PCDHGA4: variants seen among roughly 807,000 people sequenced by gnomAD.
PCDHGA4 encodes protocadherin gamma-A4.
PCDHGA4 carries 38 observed loss-of-function variants against 54.6 expected under a neutral mutation model. The observed-to-expected ratio is 0.70, with a 90% CI of 0.54 to 0.91. The LOEUF is 0.91. PCDHGA4 is among the 40% of genes least tolerant of loss of function. The pLI, the probability that PCDHGA4 is intolerant of heterozygous loss-of-function variation, is 0.00. For missense variants in PCDHGA4, 1,298 were observed against 1,220.9 expected (o/e 1.06, Z -0.94); for synonymous variants, 511 against 512.9 (o/e 1.00, Z 0.05).
rs1765306389 is a variant in PCDHGA4 at position 141,367,734 on chromosome 5, C to G, written c.2514+10113C>G. On this transcript the variant is annotated intron_variant, in intron 1 of 3. Transcript: ENST00000571252. The stretch of plus-strand genomic sequence containing the variant: ...TTGGGCTTCGTTCTGTGATGTAAAG[C>G]CTCCAGAGAGTTACATACTGCTGCA... 3 of 152,132 alleles carry G rather than the reference C, an allele frequency of 2.0e-5. No homozygotes were observed. In the South Asian group the frequency reaches 6.2e-4, roughly 32 times the overall value. The allele number at this position is 152,132 out of a possible 1,614,324, so 9.4% of individuals were successfully genotyped here. A position where few individuals can be genotyped will look rare whatever the true frequency, so the allele number is the denominator to read the frequency against.
intron 1 of PCDHGA4, among the ~76,000 whole-genome samples, chr5:141,448,617 T>C (rs1318664360): frequency 2.0e-5 from 3 of 152,150 alleles, no homozygotes; most frequent in Non-Finnish European, 2.9e-5. Flanking sequence ...ACTTTATATC[T>C]TCCTTTCTTC....
Position 141,506,445 on chromosome 5 carries a change from A to T in PCDHGA4, c.2662+964A>T, listed in dbSNP as rs1018306383. 3.8e-3 allele frequency among the ~76,000 whole-genome samples: 112 copies of T among 29,226 alleles called. No individual in the cohort carries two copies. The Middle Eastern group carries it at 0.08, about 21-fold the overall frequency. The allele number at this position is 29,226 out of a possible 152,430, so 19.2% of individuals were successfully genotyped here. ...CTGGGCAACAGTCTCGCTCTGTCTC[A>T]AAAAAAAAAAAAAAAAAAAAGAGCA... On this transcript the variant is annotated intron_variant, in intron 3 of 3. Transcript: ENST00000571252.
At chr5:141,462,071 C>T (rs1473972601) in intron 1 of PCDHGA4, among the ~76,000 whole-genome samples, 1 of 152,214 alleles carries the variant, frequency 6.6e-6, no homozygotes, top group African/African-American at 2.4e-5. Context: ...GATCTGCCCG[C>T]CTTGGCCTCC....
At chr5:141,435,941 A>G (rs1354198135) in intron 1 of PCDHGA4, among the ~76,000 whole-genome samples, 1 of 152,170 alleles carries the variant, frequency 6.6e-6, no homozygotes, top group Non-Finnish European at 1.5e-5. Flanking sequence ...TGCTTCTGAG[A>G]CCAAAAAAGG....
In PCDHGA4 at chr5:141,413,305, G is replaced by A. The variant is rs780711139; in HGVS notation, c.2514+55684G>A. 1.5e-5 allele frequency: 25 copies of A among 1,613,870 alleles called. No individual in the cohort carries two copies. The South Asian group carries it at 2.0e-4, about 13-fold the overall frequency. ...CTCCTACTCAATTCCTGAGGAATTA[G>A]AGAAAGGCTCTTTCGTGGGCAACAT... is the stretch of plus-strand genomic sequence containing the variant. On this transcript the variant is annotated intron_variant, in intron 1 of 3. Transcript: ENST00000571252.
intron 1 of PCDHGA4, chr5:141,484,969 G>A: frequency 3.4e-6 from 2 of 584,588 alleles, no homozygotes; most frequent in Admixed American, 3.2e-5. Flanking sequence ...CCCGGGAGCC[G>A]CTGTCTGCCA....
intron 1 of PCDHGA4, chr5:141,362,455 T>C (rs1762512121): frequency 6.2e-7 from 1 of 1,614,010 alleles, no homozygotes; most frequent in Non-Finnish European, 8.5e-7. Flanking sequence ...AACCCCGGAA[T>C]TGGTTCCCGC....
At chr5:141,441,820 G>A in intron 1 of PCDHGA4, 1 of 359,390 alleles carries the variant, frequency 2.8e-6, no homozygotes, top group Non-Finnish European at 5.5e-6. Flanking sequence ...CCCAGCTCTG[G>A]AGCGCAATGG....
chr5:141,469,103 C>A (rs949254605), intron 1 of PCDHGA4, among the ~76,000 whole-genome samples: 2 of 151,844 alleles, frequency 1.3e-5, no homozygotes, highest in African/African-American at 2.4e-5. Context: ...AAAGCAAGAA[C>A]CTGTCTCTAA....
chr5:141,476,040 G>T lies in PCDHGA4; in HGVS notation c.2515-18767G>T. On this transcript the variant is annotated intron_variant, in intron 1 of 3. Coordinates refer to ENST00000571252, the MANE Select transcript of PCDHGA4 (RefSeq NM_018917.4). This position sits in a 1 kb window ranked among gnomAD's most constrained non-coding sequence, Gnocchi z 7.6. ...CGGACTCGGCGCCCAGCGCCCAAGC[G>T]CTAACCCGCTGAAAGTTTCTCAGCG... is the stretch of plus-strand genomic sequence containing the variant. 1 of 1,488,704 alleles carries T rather than the reference G, an allele frequency of 6.7e-7. No homozygotes were observed. 92.2% of individuals were successfully genotyped at this position (1,488,704 alleles called of 1,614,324 possible).
Position 141,356,484 on chromosome 5 carries a change from A to C in PCDHGA4, c.1377A>C (p.Gly459=), listed in dbSNP as rs767625709. 17 of 1,613,862 alleles carry C rather than the reference A, an allele frequency of 1.1e-5. No homozygotes were observed. The highest frequency in any genetic ancestry group is 1.4e-5 in the Non-Finnish European group (17 of 1,179,906). ...TCACTGTAACTGCCACTGACCAGGG[A>C]ACTCCTCCACTGTCTACAGAAACTC... ...YNITVTATDQ[G]TPPLSTETHI... is the part of the protein sequence containing the mutation. The change falls in exon 1 of 4, where the codon GGA becomes GGC. Residue 459 remains glycine (G), a synonymous_variant. Coordinates refer to ENST00000571252, the MANE Select transcript of PCDHGA4 (RefSeq NM_018917.4).
At chr5:141,396,955 C>T (rs1476582665) in intron 1 of PCDHGA4, among the ~76,000 whole-genome samples, 2 of 152,156 alleles carry the variant, frequency 1.3e-5, no homozygotes, top group Non-Finnish European at 2.9e-5. Context: ...AAAGAAAATC[C>T]TTACTCTCCC....
chr5:141,355,900 G>T lies in PCDHGA4; in HGVS notation c.793G>T (p.Asp265Tyr). Residue 265 changes from aspartate (D) to tyrosine (Y), a missense_variant, in exon 1 of 4, where the codon GAT becomes TAT. Coordinates refer to ENST00000571252, the MANE Select transcript of PCDHGA4 (RefSeq NM_018917.4). ...TGCCAGGATTCTCATAATACTTGTG[G>T]ATACCAACGATAATGCTCCCGTGTT... ...GTARILIILVDTNDNAPVFTQ... is the reference protein window; with the variant it reads ...GTARILIILVYTNDNAPVFTQ... 6.2e-7 allele frequency: 1 copy of T among 1,613,626 alleles called. No individual in the cohort carries two copies. Among genetic ancestry groups the T allele is most frequent in the East Asian group, 2.2e-5 (1 of 44,876 alleles).
rs2154591305 is a variant in PCDHGA4, at chr5:141,493,879, G to A, written c.2515-928G>A. Among the ~76,000 whole-genome samples the A allele has an allele frequency of 6.6e-6, 1 of 152,288 alleles. No homozygotes were observed. The highest frequency in any genetic ancestry group is 6.5e-5 in the Admixed American group (1 of 15,302). ...CCCACCCCAGAACCAGTGAGGAGGT[G>A]GCTCTAGGAGTGCTCCATGAGAGTG... On this transcript the variant is annotated intron_variant, in intron 1 of 3. Coordinates refer to ENST00000571252, the MANE Select transcript of PCDHGA4 (RefSeq NM_018917.4). This position sits in a 1 kb window ranked among gnomAD's most constrained non-coding sequence, Gnocchi z 4.3.
At chr5:141,359,151 T>G (rs1761131965) in intron 1 of PCDHGA4, among the ~76,000 whole-genome samples, 1 of 152,200 alleles carries the variant, frequency 6.6e-6, no homozygotes, top group East Asian at 1.9e-4. Flanking sequence ...GAATATGATA[T>G]GATGCAGTTA....
At chr5:141,405,188 G>T (rs2094622261) in intron 1 of PCDHGA4, 1 of 1,613,954 alleles carries the variant, frequency 6.2e-7, no homozygotes, top group African/African-American at 1.3e-5. Context: ...TGTAGATGGG[G>T]TTCGAGCTTT....
At chr5:141,508,700 CCT>C in intron 3 of PCDHGA4, among the ~76,000 whole-genome samples, 1 of 152,158 alleles carries the variant, frequency 6.6e-6, no homozygotes, top group Non-Finnish European at 1.5e-5. Flanking sequence ...CCGTGTTCCT[CCT>C]CATTCTTTTC....
intron 1 of PCDHGA4, chr5:141,405,626 C>G (rs1329214735): frequency 3.7e-6 from 2 of 538,556 alleles, no homozygotes; most frequent in South Asian, 5.3e-5. Context: ...AGGCACGTGC[C>G]ACCACGCCCG....
At chr5:141,444,471 G>A (rs929365899) in intron 1 of PCDHGA4, among the ~76,000 whole-genome samples, 1 of 151,876 alleles carries the variant, frequency 6.6e-6, no homozygotes, top group Non-Finnish European at 1.5e-5. Flanking sequence ...GCGCCCGGTC[G>A]CGTACTGGAT....
Sources: allele counts gnomAD v4.1 joint callset (sites outside exome capture counted in the v4.1 genomes callset), GRCh38; gene constraint gnomAD v4.1.1; non-coding constraint Gnocchi (gnomAD v3.1); transcripts MANE v1.5; gene names NCBI Gene and HGNC (gene_info 2026-07-23, HGNC 2026-07-21).